The following GALNT13 variants were observed in gnomAD, a reference collection of about 807,000 sequenced individuals.
GALNT13 encodes UDP-GalNAc:polypeptide N-acetylgalactosaminyltransferase 13.
In GALNT13, 28 loss-of-function variants were observed where a neutral mutation model predicts 64.2. That is an observed-to-expected ratio of 0.44 (90% CI 0.32 to 0.60). GALNT13 has a LOEUF of 0.60. Among genes scored for constraint, GALNT13 ranks in the 20% least tolerant of loss-of-function variants. The pLI, the probability that GALNT13 is intolerant of heterozygous loss-of-function variation, is 0.05. For missense variants in GALNT13, 577 were observed against 669.8 expected (o/e 0.86, Z 1.53); for synonymous variants, 214 against 224.6 (o/e 0.95, Z 0.42).
the GALNT13 span, among the ~76,000 whole-genome samples, chr2:153,072,384 A>G: frequency 1.3e-5 from 2 of 152,174 alleles, no homozygotes; most frequent in African/African-American, 2.4e-5. Flanking sequence ...TTAATTTCTA[A>G]GTTTACCAAC....
intron 9 of GALNT13, among the ~76,000 whole-genome samples, chr2:154,319,063 G>A (rs1009061454): frequency 6.6e-6 from 1 of 152,016 alleles, no homozygotes; most frequent in East Asian, 1.9e-4. Flanking sequence ...GTTTACTTAA[G>A]TGCAAGTGAG....
intron 3 of GALNT13, among the ~76,000 whole-genome samples, chr2:154,029,617 T>A (rs902676531): frequency 7.9e-5 from 12 of 152,144 alleles, no homozygotes; most frequent in African/African-American, 2.9e-4. Flanking sequence ...TACTCATTCT[T>A]TAATGTCCTA....
At chr2:153,765,318 G>A in the GALNT13 span, among the ~76,000 whole-genome samples, 2 of 152,280 alleles carry the variant, frequency 1.3e-5, no homozygotes, top group African/African-American at 4.8e-5. Flanking sequence ...GCCCATGGGA[G>A]CCCAACTCTT....
chr2:154,062,421 C>G (rs377401407), intron 3 of GALNT13, among the ~76,000 whole-genome samples: 32 of 152,190 alleles, frequency 2.1e-4, no homozygotes, highest in African/African-American at 7.2e-4. Flanking sequence ...TTGTATTAGT[C>G]TGTTCTCACT....
intron 4 of GALNT13, among the ~76,000 whole-genome samples, chr2:154,178,706 TG>T (rs1461442529): frequency 1.3e-5 from 2 of 152,194 alleles, no homozygotes; most frequent in South Asian, 4.1e-4. Flanking sequence ...ATTTGCTGCC[TG>T]AGGGTTTGCA....
At chr2:153,151,290 T>A in the GALNT13 span, among the ~76,000 whole-genome samples, 2 of 151,998 alleles carry the variant, frequency 1.3e-5, no homozygotes, top group Non-Finnish European at 2.9e-5. Flanking sequence ...GATACCATCT[T>A]ACACCAGTTA....
intron 11 of GALNT13, among the ~76,000 whole-genome samples, chr2:154,426,252 G>C (rs1368087050): frequency 6.6e-6 from 1 of 152,198 alleles, no homozygotes; most frequent in Non-Finnish European, 1.5e-5. Flanking sequence ...CCAGCAGCTA[G>C]AGGCTGCCCT....
chr2:154,199,713 G>C (rs1002996481), intron 4 of GALNT13, among the ~76,000 whole-genome samples: 10 of 151,870 alleles, frequency 6.6e-5, no homozygotes, highest in Admixed American at 3.3e-4. Context: ...TTTGATTAGG[G>C]ACATAAAACT....
the GALNT13 span, among the ~76,000 whole-genome samples, chr2:153,338,141 A>G: frequency 1.3e-5 from 2 of 152,070 alleles, no homozygotes; most frequent in Non-Finnish European, 2.9e-5. Context: ...ACAATAAAAA[A>G]AATTAGCCAG....
chr2:153,254,464 T>C, the GALNT13 span, among the ~76,000 whole-genome samples: 1 of 152,146 alleles, frequency 6.6e-6, no homozygotes, highest in African/African-American at 2.4e-5. Context: ...GTGTCTCTAT[T>C]TCCTTCAGTT....
At position 154,301,452 on chromosome 2, in the gene GALNT13, A is replaced by T; in HGVS notation, c.1019A>T (p.His340Leu). The T allele has an allele frequency of 6.2e-7, 1 of 1,613,688 alleles. No homozygotes were observed. Among genetic ancestry groups the T allele is most frequent in the Non-Finnish European group, 8.5e-7 (1 of 1,179,726 alleles). The change falls in exon 9 of 13, where the codon CAT becomes CTT. Residue 340 changes from histidine (H) to leucine (L), a missense_variant. By Grantham distance (99) the His-to-Leu change is moderately conservative. Around this residue, in one of 3 missense-constraint regions of GALNT13, gnomAD observed 232 missense variants for 270.6 expected, o/e 0.86. Coordinates refer to ENST00000392825, the MANE Select transcript of GALNT13 (RefSeq NM_052917.4). Reference sequence around the variant, plus strand: ...TCCTTGGAGATTGTTACTTGCTCCCATGTTGGTCATGTTTTTCGGAAGGCA... The same window carrying T: ...TCCTTGGAGATTGTTACTTGCTCCCTTGTTGGTCATGTTTTTCGGAAGGCA... ...GGSLEIVTCS[H>L]VGHVFRKATP...
chr2:153,711,361 C>G, the GALNT13 span, among the ~76,000 whole-genome samples: 1 of 152,064 alleles, frequency 6.6e-6, no homozygotes, highest in Non-Finnish European at 1.5e-5. Context: ...AAGCTATAGG[C>G]TTCTCTAGGA....
the GALNT13 span, among the ~76,000 whole-genome samples, chr2:153,832,348 T>G: frequency 6.6e-6 from 1 of 152,176 alleles, no homozygotes; most frequent in African/African-American, 2.4e-5. Flanking sequence ...AAATAGAATT[T>G]CATTATTTTA....
At chr2:153,138,402 T>G in the GALNT13 span, among the ~76,000 whole-genome samples, 1 of 152,058 alleles carries the variant, frequency 6.6e-6, no homozygotes, top group Non-Finnish European at 1.5e-5. Flanking sequence ...TGCAGAATTG[T>G]GGGGGAAACG....
At chr2:154,238,651 G>A (rs150714346) in intron 4 of GALNT13, among the ~76,000 whole-genome samples, 5 of 152,024 alleles carry the variant, frequency 3.3e-5, no homozygotes, top group Admixed American at 6.6e-5. Flanking sequence ...GAACTAATTT[G>A]TGTCACTTTA....
the GALNT13 span, among the ~76,000 whole-genome samples, chr2:153,675,128 G>A: frequency 6.6e-6 from 1 of 152,220 alleles, no homozygotes; most frequent in Non-Finnish European, 1.5e-5. Flanking sequence ...CATTGTGGAA[G>A]ACTGTGTGGT....
At chr2:153,104,133 G>T in the GALNT13 span, among the ~76,000 whole-genome samples, 2 of 151,918 alleles carry the variant, frequency 1.3e-5, no homozygotes, top group East Asian at 3.9e-4. Flanking sequence ...TTGCGTTTAG[G>T]CTCTTACAGT....
chr2:154,248,370 TATAC>T (rs1689894128), intron 7 of GALNT13, among the ~76,000 whole-genome samples: 2 of 152,128 alleles, frequency 1.3e-5, no homozygotes, highest in Non-Finnish European at 2.9e-5. Context: ...TATGGAATAA[TATAC>T]ATAATTACGA....
chr2:153,215,102 T>C, the GALNT13 span, among the ~76,000 whole-genome samples: 2 of 152,112 alleles, frequency 1.3e-5, no homozygotes, highest in Admixed American at 6.5e-5. Flanking sequence ...ATATCTTAAC[T>C]ATTTAAAGTT....
Sources: gnomAD v4.1 joint callset for allele counts (sites outside exome capture counted in the v4.1 genomes callset) on GRCh38, gnomAD v4.1.1 for gene constraint, gnomAD v4.1.1 regional missense constraint, MANE v1.5 for transcripts, NCBI Gene and HGNC (gene_info 2026-07-23, HGNC 2026-07-21) for gene names.